MYO7B: variants seen among roughly 807,000 people sequenced by gnomAD.
MYO7B encodes the protein myosin VIIB.
Under a neutral mutation model 259.7 loss-of-function variants are expected in MYO7B, and 212 were observed. That is an observed-to-expected ratio of 0.82 (90% CI 0.73 to 0.91). The LOEUF (loss-of-function observed/expected upper bound fraction) is 0.91, where lower values mean the gene tolerates loss of function less well. Among genes scored for constraint, MYO7B ranks in the 40% least tolerant of loss-of-function variants. MYO7B has a pLI of 0.00. For synonymous variants in MYO7B, 1,197 were observed against 1,166.4 expected (o/e 1.03, Z -0.54); for missense variants, 2,732 against 2,813.5 (o/e 0.97, Z 0.66).
intron 1 of MYO7B, among the ~76,000 whole-genome samples, chr2:127,545,724 T>C (rs1485928963): frequency 6.6e-6 from 1 of 152,226 alleles, no homozygotes; most frequent in African/African-American, 2.4e-5. Flanking sequence ...AATAATCATA[T>C]GTGCCTCACG....
At chr2:127,594,119 C>T (rs1286758843) in intron 18 of MYO7B, among the ~76,000 whole-genome samples, 6 of 152,248 alleles carry the variant, frequency 3.9e-5, no homozygotes, top group Admixed American at 3.3e-4. Flanking sequence ...CTCCACAAAG[C>T]GACTTGTCCT....
intron 1 of MYO7B, among the ~76,000 whole-genome samples, chr2:127,550,975 G>T (rs965897804): frequency 2.7e-5 from 4 of 146,046 alleles, no homozygotes; most frequent in African/African-American, 1.0e-4. Flanking sequence ...TTGGGGGTCA[G>T]AAATCTAAGA....
rs146159760 is a variant in MYO7B at position 127,577,554 on chromosome 2, C to T, written c.850-579C>T. ...TTCTCAACACCCACCCCAGCCTCCC[C>T]GCAGCCCTGTCCCTGCCTCCCCACC... On this transcript the variant is annotated intron_variant, in intron 8 of 47. Coordinates refer to ENST00000409816, the MANE Select transcript of MYO7B (RefSeq NM_001393586.1). This position sits in a 1 kb window ranked among gnomAD's most constrained non-coding sequence, Gnocchi z 5.2. Among the ~76,000 whole-genome samples the T allele has an allele frequency of 1.4e-4, 22 of 152,288 alleles. No homozygotes were observed. The highest frequency in any genetic ancestry group is 9.8e-4 in the Admixed American group (15 of 15,304).
intron 12 of MYO7B, among the ~76,000 whole-genome samples, chr2:127,583,014 G>A (rs916100511): frequency 9.9e-5 from 15 of 152,236 alleles, no homozygotes; most frequent in Non-Finnish European, 2.1e-4. Context: ...ACCAGGCAAC[G>A]GAGCCAGGCC....
chr2:127,588,417 G>A lies in MYO7B; in HGVS notation c.1716G>A (p.Val572=), dbSNP rs1332972148. The A allele has an allele frequency of 1.7e-5, 28 of 1,612,896 alleles. No individual in the cohort carries two copies. The East Asian group carries it at 6.2e-4, about 36-fold the overall frequency. Residue 572 remains valine, a synonymous_variant, in exon 15 of 48, where the codon GTG becomes GTA. Transcript: ENST00000409816. The part of the protein sequence containing the change: ...AEGFLEKNRD[V]LSTDILTLVY... ...GCTTCCTGGAGAAGAACCGAGACGT[G>A]CTGAGCACAGATATCCTCACCCTGG...
rs1202483924 is a variant in MYO7B, at chr2:127,566,669, C to T, written c.312C>T (p.Ala104=). The part of the protein sequence containing the change: ...IYTYTGSILV[A]VNPFQVLPLY... ...CATACACAGGCTCCATCCTGGTGGC[C>T]GTCAACCCGTTCCAGGTGCTGCCGC... Residue 104 remains alanine (A), a synonymous_variant, in exon 5 of 48, where the codon GCC becomes GCT. Transcript: ENST00000409816. 30 of 1,597,818 alleles carry T rather than the reference C, an allele frequency of 1.9e-5. No individual in the cohort carries two copies. Among genetic ancestry groups the T allele is most frequent in the African/African-American group, 2.7e-5 (2 of 74,518 alleles).
At chr2:127,541,477 G>T (rs1693001207) in intron 1 of MYO7B, among the ~76,000 whole-genome samples, 1 of 152,218 alleles carries the variant, frequency 6.6e-6, no homozygotes, top group Non-Finnish European at 1.5e-5. Context: ...GGTAGCAGAG[G>T]GTGTCAGACT....
intron 16 of MYO7B, among the ~76,000 whole-genome samples, chr2:127,591,185 C>G (rs1053132925): frequency 1.8e-4 from 28 of 152,282 alleles, no homozygotes; most frequent in African/African-American, 6.5e-4. Flanking sequence ...CAAGACCTGT[C>G]TCTAAAAAAA....
intron 5 of MYO7B, among the ~76,000 whole-genome samples, chr2:127,567,386 G>A (rs1468957630): frequency 1.3e-5 from 2 of 152,294 alleles, no homozygotes; most frequent in Non-Finnish European, 2.9e-5. Context: ...ACAGCTCTCA[G>A]TTCACTAGGG....
intron 2 of MYO7B, among the ~76,000 whole-genome samples, chr2:127,562,794 C>T (rs953782392): frequency 6.6e-6 from 1 of 151,800 alleles, no homozygotes; most frequent in Non-Finnish European, 1.5e-5. Context: ...CCAATTTTTG[C>T]ATTTTTTTAG....
At chr2:127,561,270 A>ATT (rs1234171770) in intron 2 of MYO7B, among the ~76,000 whole-genome samples, 1 of 144,908 alleles carries the variant, frequency 6.9e-6, no homozygotes. Flanking sequence ...GAGGAGAGTA[A>ATT]TTTTTTTTTT....
chr2:127,608,306 C>T (rs1680235560), intron 21 of MYO7B, among the ~76,000 whole-genome samples: 1 of 152,240 alleles, frequency 6.6e-6, no homozygotes. Flanking sequence ...TTATCTGTGA[C>T]TTCGTTACTG....
At position 127,627,326 on chromosome 2, in the gene MYO7B, G is replaced by A. The variant is rs763967059; in HGVS notation, c.4460+16G>A. 10 of 1,581,092 alleles carry A rather than the reference G, an allele frequency of 6.3e-6. No homozygotes were observed. The highest frequency in any genetic ancestry group is 8.6e-6 in the Non-Finnish European group (10 of 1,159,332). On this transcript the variant is annotated intron_variant, in intron 33 of 47. Coordinates refer to ENST00000409816, the MANE Select transcript of MYO7B (RefSeq NM_001393586.1). The surrounding 1 kb of genome is among the most constrained non-coding windows in gnomAD (Gnocchi z 5.6). ...CCACCAACAGGTGCGGGCCCTGAGGGAAGATCTCTTCTTACACACTGAGTC... is the reference window on the plus strand; with the variant it reads ...CCACCAACAGGTGCGGGCCCTGAGGAAAGATCTCTTCTTACACACTGAGTC...
intron 1 of MYO7B, among the ~76,000 whole-genome samples, chr2:127,549,485 T>C (rs924275486): frequency 1.1e-4 from 16 of 152,198 alleles, no homozygotes; most frequent in Non-Finnish European, 2.2e-4. Flanking sequence ...CAACATATAA[T>C]TGGGAGCCTC....
chr2:127,637,043 G>C, intron 47 of MYO7B, 130 bp downstream of exon 47: 1 of 1,457,334 alleles, frequency 6.9e-7, no homozygotes, highest in Admixed American at 2.0e-5. Flanking sequence ...GGGGCCAGCA[G>C]ATCTGGAGAG....
intron 39 of MYO7B, 134 bp from the exon 40 acceptor site, chr2:127,633,123 GC>G (rs936947882): frequency 1.5e-6 from 1 of 680,458 alleles, no homozygotes; most frequent in Admixed American, 2.7e-5. Context: ...CATGCGAGGG[GC>G]TGGAACCACC....
chr2:127,566,447 A>C (rs1282774405), intron 4 of MYO7B, among the ~76,000 whole-genome samples, 196 bp from the exon 5 acceptor site: 2 of 152,238 alleles, frequency 1.3e-5, no homozygotes, highest in Non-Finnish European at 2.9e-5. Flanking sequence ...CCTGGTGGAT[A>C]TCCCATCTTC....
rs1289560421 is a variant in MYO7B, at chr2:127,577,564, T to A, written c.850-569T>A. 6.6e-6 allele frequency among the ~76,000 whole-genome samples: 1 copy of A among 152,068 alleles called. No homozygotes were observed. Among genetic ancestry groups the A allele is most frequent in the Non-Finnish European group, 1.5e-5 (1 of 68,016 alleles). On this transcript the variant is annotated intron_variant, in intron 8 of 47. Coordinates refer to ENST00000409816, the MANE Select transcript of MYO7B (RefSeq NM_001393586.1). This position sits in a 1 kb window ranked among gnomAD's most constrained non-coding sequence, Gnocchi z 5.2. ...CCACCCCAGCCTCCCCGCAGCCCTG[T>A]CCCTGCCTCCCCACCTCGTGGCCTT...
In MYO7B at chr2:127,624,305, G is replaced by A. The variant is rs778301910; in HGVS notation, c.4032G>A (p.Glu1344=). 6.3e-7 allele frequency: 1 copy of A among 1,577,252 alleles called. No homozygotes were observed. Among genetic ancestry groups the A allele is most frequent in the South Asian group, 1.2e-5 (1 of 85,758 alleles). The stretch of plus-strand genomic sequence containing the variant: ...TCCTCCGAGGAGTCTGGTCTGGCGA[G>A]TACAGCTTCGAGAAGGTGAGGGGCC... ...RQVLRGVWSG[E]YSFEKEEELV... The change falls in exon 30 of 48, where the codon GAG becomes GAA. Residue 1344 remains glutamate, a synonymous_variant. Coordinates refer to ENST00000409816, the MANE Select transcript of MYO7B (RefSeq NM_001393586.1).
Sources: allele counts gnomAD v4.1 joint callset (sites outside exome capture counted in the v4.1 genomes callset), GRCh38; gene constraint gnomAD v4.1.1; non-coding constraint Gnocchi (gnomAD v3.1); transcripts MANE v1.5; gene names NCBI Gene and HGNC (gene_info 2026-07-23, HGNC 2026-07-21).